Variants in DNAH9 observed in about 807,000 individuals in gnomAD.
DNAH9 encodes DNAH9 variant protein.
DNAH9 carries 345 observed loss-of-function variants against 471.6 expected under a neutral mutation model. The ratio of observed to expected loss-of-function variants is 0.73; its 90% CI spans 0.67 to 0.80. The LOEUF is 0.80. DNAH9 is among the 30% of genes least tolerant of loss of function. The probability of loss-of-function intolerance (pLI) is 0.00; values close to 1 mark genes in which losing one functional copy is unlikely to be tolerated. For synonymous variants in DNAH9, 2,093 were observed against 2,123.6 expected (o/e 0.99, Z 0.40); for missense variants, 5,407 against 5,609.2 (o/e 0.96, Z 1.15).
At chr17:11,699,596 A>G (rs2074555110) in intron 22 of DNAH9, 135 bp from the exon 23 acceptor site, 3 of 740,056 alleles carry the variant, frequency 4.1e-6, no homozygotes, top group African/African-American at 1.7e-5. Context: ...TTGTTCCCAC[A>G]AACTTCCTTC....
chr17:11,722,614 C>T (rs1327345666), intron 27 of DNAH9, among the ~76,000 whole-genome samples: 1 of 152,104 alleles, frequency 6.6e-6, no homozygotes, highest in African/African-American at 2.4e-5. Flanking sequence ...CTTGCTATCC[C>T]CTCTGCCTTA....
At chr17:11,758,893 C>T (rs577402819) in intron 35 of DNAH9, among the ~76,000 whole-genome samples, 1 of 152,008 alleles carries the variant, frequency 6.6e-6, no homozygotes, top group Non-Finnish European at 1.5e-5. Context: ...TTTGTATAAG[C>T]CTTTGAAAGG....
rs771610977 is a variant in DNAH9, at chr17:11,608,221, A to G, written c.510A>G (p.Gln170=). ...TCAGGCGGCACGCCCACAGCCTCCA[A>G]TGTGACCTCTCAGTTATACTTGAGC... The part of the protein sequence containing the change: ...EDVRRHAHSL[Q]CDLSVILEQV... Residue 170 remains glutamine (Q), a synonymous_variant, in exon 2 of 69, where the codon CAA becomes CAG. Coordinates refer to ENST00000262442, the MANE Select transcript of DNAH9 (RefSeq NM_001372.4). 3 of 1,614,092 alleles carry G rather than the reference A, an allele frequency of 1.9e-6. No individual in the cohort carries two copies. The highest frequency in any genetic ancestry group is 2.5e-6 in the Non-Finnish European group (3 of 1,179,934).
Position 11,937,360 on chromosome 17 carries a change from T to A in DNAH9, c.12498T>A (p.Asp4166Glu), listed in dbSNP as rs758092078. 3.7e-5 allele frequency: 60 copies of A among 1,608,256 alleles called. No individual in the cohort carries two copies. In the East Asian group the frequency reaches 7.1e-4, roughly 19 times the overall value. ...TTGCCCTTGATTTTCAGTACATCGA[T>A]GCTGAGCTGCCCCCAGAATCCCCCT... ...MDYNGYHQYI[D>E]AELPPESPYL... The change falls in exon 66 of 69, where the codon GAT becomes GAA. Residue 4166 changes from aspartate (D) to glutamate (E), a missense_variant. Asp to Glu is a conservative substitution (Grantham distance 45). Transcript: ENST00000262442. The surrounding 1 kb of genome is among the most constrained non-coding windows in gnomAD (Gnocchi z 4.1).
intron 68 of DNAH9, among the ~76,000 whole-genome samples, chr17:11,965,604 A>G (rs1285468457): frequency 3.3e-5 from 5 of 152,260 alleles, no homozygotes; most frequent in African/African-American, 4.8e-5. Flanking sequence ...GAAGAAAGCA[A>G]TCAACGCAAA....
rs2286304 is a variant in DNAH9 at position 11,931,987 on chromosome 17, A to T, written c.12106-27A>T. On this transcript the variant is annotated intron_variant, in intron 63 of 68. Coordinates refer to ENST00000262442, the MANE Select transcript of DNAH9 (RefSeq NM_001372.4). ...CCCGTATAAGAGAAGTTGTGTGCGAACCTTAAAAGCGACACTCTCATTTCA... is the reference window on the plus strand; with the variant it reads ...CCCGTATAAGAGAAGTTGTGTGCGATCCTTAAAAGCGACACTCTCATTTCA... 3.4e-3 allele frequency: 5,407 copies of T among 1,611,712 alleles called. 99 individuals carry two copies. In the East Asian group the frequency reaches 0.062, roughly 18 times the overall value.
At chr17:11,741,276 C>T (rs1032590682) in intron 29 of DNAH9, among the ~76,000 whole-genome samples, 9 of 152,072 alleles carry the variant, frequency 5.9e-5, no homozygotes, top group Non-Finnish European at 8.8e-5. Context: ...ATTTTAAAAT[C>T]AGATGTTTTT....
At position 11,694,055 on chromosome 17, in the gene DNAH9, A is replaced by G. The variant is rs532693928; in HGVS notation, c.4745+57A>G. 7 of 1,591,822 alleles carry G rather than the reference A, an allele frequency of 4.4e-6. No individual in the cohort carries two copies. In the African/African-American group the frequency reaches 9.5e-5, roughly 22 times the overall value. ...AAGAAGGCATCATTTCCTTTTCCCC[A>G]TCGTCTCTGAGACCAGTGGGCAGAA... On this transcript the variant is annotated intron_variant, in intron 21 of 68. Coordinates refer to ENST00000262442, the MANE Select transcript of DNAH9 (RefSeq NM_001372.4).
At chr17:11,833,260 C>G (rs1970734249) in intron 48 of DNAH9, among the ~76,000 whole-genome samples, 2 of 152,196 alleles carry the variant, frequency 1.3e-5, no homozygotes, top group South Asian at 4.1e-4. Flanking sequence ...CTGGCCTGGG[C>G]CACTGGGATT....
At chr17:11,820,440 A>G (rs1291287776) in intron 45 of DNAH9, among the ~76,000 whole-genome samples, 3 of 152,070 alleles carry the variant, frequency 2.0e-5, no homozygotes, top group Non-Finnish European at 4.4e-5. Flanking sequence ...TTTAATATAC[A>G]TTTTCATTAA....
At chr17:11,822,321 C>T in intron 46 of DNAH9, 117 bp from the exon 47 acceptor site, 1 of 1,247,558 alleles carries the variant, frequency 8.0e-7, no homozygotes. Context: ...CAGATATTAT[C>T]TCTGTTGGAT....
chr17:11,803,377 G>GGGGTGT (rs942724079), intron 43 of DNAH9, among the ~76,000 whole-genome samples: 1 of 139,810 alleles, frequency 7.2e-6, no homozygotes, highest in Non-Finnish European at 1.6e-5. Flanking sequence ...CCATTCTCTA[G>GGGGTGT]GGGTGTGTGT....
intron 50 of DNAH9, among the ~76,000 whole-genome samples, chr17:11,854,685 A>G (rs1971560625): frequency 6.6e-6 from 1 of 152,192 alleles, no homozygotes; most frequent in African/African-American, 2.4e-5. Context: ...TTTCTGAACA[A>G]AAGGTTAAAA....
chr17:11,632,523 G>A, intron 7 of DNAH9, 64 bp from the exon 8 acceptor site: 1 of 770,388 alleles, frequency 1.3e-6, no homozygotes, highest in South Asian at 1.5e-5. Flanking sequence ...TAGCTGTGAG[G>A]AGCATAGTGG....
intron 57 of DNAH9, among the ~76,000 whole-genome samples, chr17:11,890,596 G>A (rs1453776358): frequency 3.3e-5 from 5 of 152,164 alleles, no homozygotes; most frequent in Non-Finnish European, 5.9e-5. Flanking sequence ...TAGAGAAAAG[G>A]CTGGAAATCT....
At position 11,899,087 on chromosome 17, in the gene DNAH9, G is replaced by A. The variant is rs75487592; in HGVS notation, c.11407-3632G>A. ...AAACACAATGCATTATGTAGTACTC[G>A]TTGCCAAAGCCTTTGATGAATGCTC... On this transcript the variant is annotated intron_variant, in intron 59 of 68. Coordinates refer to ENST00000262442, the MANE Select transcript of DNAH9 (RefSeq NM_001372.4). Among the ~76,000 whole-genome samples, 1,011 of 152,092 alleles carry A rather than the reference G, an allele frequency of 6.6e-3. 7 individuals are homozygous for A. Among genetic ancestry groups the A allele is most frequent in the African/African-American group, 0.023 (938 of 41,482 alleles).
At chr17:11,881,773 A>G (rs1031185605) in intron 55 of DNAH9, among the ~76,000 whole-genome samples, 6 of 152,066 alleles carry the variant, frequency 3.9e-5, no homozygotes, top group Non-Finnish European at 7.4e-5. Flanking sequence ...TTAACTGGGC[A>G]TGGTGGCGCT....
intron 30 of DNAH9, among the ~76,000 whole-genome samples, chr17:11,743,676 T>A (rs2075465820): frequency 6.6e-6 from 1 of 152,210 alleles, no homozygotes; most frequent in South Asian, 2.1e-4. Flanking sequence ...CTGTTCTCAC[T>A]TGCCTTGACT....
intron 19 of DNAH9, among the ~76,000 whole-genome samples, chr17:11,688,787 C>T (rs1454626405): frequency 6.6e-6 from 1 of 152,154 alleles, no homozygotes; most frequent in Non-Finnish European, 1.5e-5. Context: ...TCCTGAGTCC[C>T]AGCTCTCCCA....
Sources: gnomAD v4.1 joint callset for allele counts (sites outside exome capture counted in the v4.1 genomes callset) on GRCh38, gnomAD v4.1.1 for gene constraint, Gnocchi (gnomAD v3.1) non-coding constraint, MANE v1.5 for transcripts, NCBI Gene and HGNC (gene_info 2026-07-23, HGNC 2026-07-21) for gene names.